Variants in MACROD2 observed in about 807,000 individuals in gnomAD.
MACROD2 encodes ADP-ribose glycohydrolase MACROD2.
A neutral mutation model predicts 70.4 loss-of-function variants in MACROD2; 36 were observed. That is an observed-to-expected ratio of 0.51 (90% CI 0.39 to 0.68). The LOEUF (loss-of-function observed/expected upper bound fraction) is 0.68, where lower values mean the gene tolerates loss of function less well. Among genes scored for constraint, MACROD2 ranks in the 30% least tolerant of loss-of-function variants. The pLI is 0.00. For synonymous variants in MACROD2, 172 were observed against 178.8 expected (o/e 0.96, Z 0.30); for missense variants, 496 against 538.4 (o/e 0.92, Z 0.78).
chr20:15,478,598 T>C lies in MACROD2; in HGVS notation c.572-21176T>C, dbSNP rs556688015. On this transcript the variant is annotated intron_variant, in intron 7 of 17. Transcript: ENST00000684519. ...GTTTCTTCCTCCCCCTTTATTAAGT[T>C]TTTTTGAGCCTAGACGTTCTCTCCC... 5.7e-3 allele frequency among the ~76,000 whole-genome samples: 860 copies of C among 152,140 alleles called. 7 individuals carry two copies. The highest frequency in any genetic ancestry group is 0.02 in the African/African-American group (822 of 41,500).
intron 6 of MACROD2, among the ~76,000 whole-genome samples, chr20:15,396,515 A>T (rs1482708908): frequency 6.6e-6 from 1 of 152,216 alleles, no homozygotes; most frequent in East Asian, 1.9e-4. Context: ...ATCTTAGAAG[A>T]GGAAGGACAA....
intron 15 of MACROD2, among the ~76,000 whole-genome samples, chr20:15,994,355 T>G: frequency 1.3e-5 from 2 of 152,296 alleles, no homozygotes; most frequent in South Asian, 4.1e-4. Flanking sequence ...CTTATTAAAG[T>G]AAGACACAAT....
chr20:14,491,115 A>G (rs2084788584), intron 3 of MACROD2, among the ~76,000 whole-genome samples: 1 of 152,184 alleles, frequency 6.6e-6, no homozygotes, highest in Admixed American at 6.5e-5. Flanking sequence ...AGTAACGTGA[A>G]GCTACCTGAC....
At chr20:14,464,569 T>G (rs1361875502) in intron 3 of MACROD2, among the ~76,000 whole-genome samples, 1 of 152,114 alleles carries the variant, frequency 6.6e-6, no homozygotes, top group Non-Finnish European at 1.5e-5. Flanking sequence ...TTTCTTGCCT[T>G]CTGCTAGCTT....
Position 14,747,006 on chromosome 20 carries a change from A to G in MACROD2, c.418+62047A>G, listed in dbSNP as rs747863612. ...AGTTTTCAATAGAAAAATTAAAGCT[A>G]CAAATGTTGGGTGTGTTCCCAGAAT... is the stretch of plus-strand genomic sequence containing the variant. On this transcript the variant is annotated intron_variant, in intron 5 of 17. Coordinates refer to ENST00000684519, the MANE Select transcript of MACROD2 (RefSeq NM_001351661.2). 9.6e-4 allele frequency among the ~76,000 whole-genome samples: 146 copies of G among 152,336 alleles called. 3 individuals carry two copies. The highest frequency in any genetic ancestry group is 2.0e-3 in the Non-Finnish European group (135 of 68,022).
At chr20:14,157,118 A>G (rs1305473638) in intron 3 of MACROD2, among the ~76,000 whole-genome samples, 5 of 152,180 alleles carry the variant, frequency 3.3e-5, no homozygotes, top group African/African-American at 1.2e-4. Context: ...ACTACAAAGG[A>G]TGGCTTAAAA....
chr20:14,051,450 A>G (rs1233527750), intron 2 of MACROD2, among the ~76,000 whole-genome samples: 1 of 152,270 alleles, frequency 6.6e-6, no homozygotes, highest in Non-Finnish European at 1.5e-5. Flanking sequence ...ACGTTTACAG[A>G]AGTATATTTT....
At chr20:15,221,825 A>G (rs557424685) in intron 5 of MACROD2, among the ~76,000 whole-genome samples, 8 of 152,352 alleles carry the variant, frequency 5.3e-5, no homozygotes, top group Admixed American at 4.6e-4. Flanking sequence ...ACATAATAAC[A>G]TTATCACATT....
At chr20:14,800,147 A>G (rs1490942794) in intron 5 of MACROD2, among the ~76,000 whole-genome samples, 1 of 150,330 alleles carries the variant, frequency 6.7e-6, no homozygotes, top group Admixed American at 6.6e-5. Flanking sequence ...CTATGACTTC[A>G]GTTTTTTTTT....
intron 5 of MACROD2, among the ~76,000 whole-genome samples, chr20:15,061,189 A>G (rs1163964796): frequency 6.6e-6 from 1 of 152,090 alleles, no homozygotes; most frequent in African/African-American, 2.4e-5. Flanking sequence ...GACAACCCTC[A>G]TTTCTCAATG....
intron 3 of MACROD2, among the ~76,000 whole-genome samples, chr20:14,149,885 A>G (rs1020377619): frequency 3.3e-5 from 5 of 151,998 alleles, no homozygotes; most frequent in African/African-American, 1.2e-4. Context: ...AGAGAATAAA[A>G]CTTGGTATTT....
In MACROD2 at chr20:15,427,518, AAG is replaced by A. The variant is rs1475765595; in HGVS notation, c.541-3886_541-3885del. Among the ~76,000 whole-genome samples the A allele has an allele frequency of 1.1e-3, 102 of 93,712 alleles. 1 individual carries two copies. Among genetic ancestry groups the A allele is most frequent in the African/African-American group, 4.6e-3 (89 of 19,312 alleles). The allele number at this position is 93,712 out of a possible 152,430, so 61.5% of individuals were successfully genotyped here. On this transcript the variant is annotated intron_variant, in intron 6 of 17. Coordinates refer to ENST00000684519, the MANE Select transcript of MACROD2 (RefSeq NM_001351661.2). Reference sequence around the variant, plus strand: ...GAGTTTAGAATGCTAGATGTTTATTAAGGAGTGCCCTTAATCAATACCTGGGG... The same window carrying A: ...GAGTTTAGAATGCTAGATGTTTATTAGAGTGCCCTTAATCAATACCTGGGG...
chr20:15,919,418 G>T (rs548969148), intron 10 of MACROD2, among the ~76,000 whole-genome samples: 1 of 152,250 alleles, frequency 6.6e-6, no homozygotes, highest in South Asian at 2.1e-4. Context: ...TCCTTGAGTT[G>T]GTTGGCTAAT....
chr20:14,668,298 A>G (rs1451832112), intron 4 of MACROD2, among the ~76,000 whole-genome samples: 1 of 152,204 alleles, frequency 6.6e-6, no homozygotes, highest in Non-Finnish European at 1.5e-5. Context: ...GGAGATTAGC[A>G]GAAGCCATAA....
chr20:14,693,801 C>T (rs1043489522), intron 5 of MACROD2, among the ~76,000 whole-genome samples: 4 of 152,118 alleles, frequency 2.6e-5, no homozygotes, highest in Admixed American at 6.6e-5. Flanking sequence ...GTTCCTTATA[C>T]GTGATTGTCT....
At chr20:15,960,278 G>A (rs141541759) in intron 12 of MACROD2, among the ~76,000 whole-genome samples, 1 of 152,302 alleles carries the variant, frequency 6.6e-6, no homozygotes, top group East Asian at 1.9e-4. Context: ...GTCATACAGT[G>A]CAAAACACGG....
chr20:15,775,092 G>C (rs2051699419), intron 8 of MACROD2, among the ~76,000 whole-genome samples: 1 of 152,070 alleles, frequency 6.6e-6, no homozygotes, highest in Non-Finnish European at 1.5e-5. Context: ...TTGAGGGAGG[G>C]GCAAAGGGAA....
At chr20:15,352,999 C>A (rs2078245129) in intron 6 of MACROD2, among the ~76,000 whole-genome samples, 1 of 151,894 alleles carries the variant, frequency 6.6e-6, no homozygotes, top group Non-Finnish European at 1.5e-5. Context: ...TTGGAAAAAA[C>A]TACTTTAAAG....
At chr20:15,656,645 T>C (rs2049734925) in intron 8 of MACROD2, among the ~76,000 whole-genome samples, 1 of 152,142 alleles carries the variant, frequency 6.6e-6, no homozygotes, top group South Asian at 2.1e-4. Flanking sequence ...TCAGCTGTCT[T>C]GAGGTCCCTG....
Sources: allele counts gnomAD v4.1 joint callset (sites outside exome capture counted in the v4.1 genomes callset), GRCh38; gene constraint gnomAD v4.1.1; transcripts MANE v1.5; gene names NCBI Gene and HGNC (gene_info 2026-07-23, HGNC 2026-07-21).